RNF212B: variants seen among roughly 807,000 people sequenced by gnomAD.
RNF212B encodes the protein ring finger protein 212B.
RNF212B carries 52 observed loss-of-function variants against 55.5 expected under a neutral mutation model. That is an observed-to-expected ratio of 0.94 (90% CI 0.75 to 1.18). RNF212B has a LOEUF of 1.18. Ranked by LOEUF, RNF212B falls within the 50% of genes most tolerant of loss-of-function variation. RNF212B has a pLI of 0.00. For synonymous variants in RNF212B, 99 were observed against 121.4 expected (o/e 0.82, Z 1.21); for missense variants, 289 against 350.4 (o/e 0.82, Z 1.40).
chr14:23,206,631 T>C (rs780231693), intron 2 of RNF212B, among the ~76,000 whole-genome samples: 1 of 152,142 alleles, frequency 6.6e-6, no homozygotes, highest in South Asian at 2.1e-4. Flanking sequence ...GTCAGCTAAA[T>C]AGCCTTAAAT....
At chr14:23,186,210 T>C (rs539243795) in intron 1 of RNF212B, among the ~76,000 whole-genome samples, 47 of 152,202 alleles carry the variant, frequency 3.1e-4, no homozygotes, top group Non-Finnish European at 5.6e-4. Flanking sequence ...TGGAATCTTT[T>C]TGTGACATAA....
chr14:23,272,426 CAACAAACA>C (rs376451658), intron 14 of RNF212B: 8 of 253,764 alleles, frequency 3.2e-5, no homozygotes, highest in African/African-American at 9.5e-5. Context: ...CTCAAAAAAA[CAACAAACA>C]AACAAACAAA....
At chr14:23,238,810 T>C (rs1034782870) in intron 1 of RNF212B, among the ~76,000 whole-genome samples, 3 of 150,678 alleles carry the variant, frequency 2.0e-5, no homozygotes, top group African/African-American at 7.3e-5. Context: ...CAAAGTCACA[T>C]TTACTCAGGT....
At chr14:23,217,289 G>A (rs1881186790) in intron 2 of RNF212B, among the ~76,000 whole-genome samples, 1 of 152,166 alleles carries the variant, frequency 6.6e-6, no homozygotes, top group Admixed American at 6.5e-5. Context: ...GGAAAGGGGA[G>A]GGAAGAGCGG....
intron 2 of RNF212B, among the ~76,000 whole-genome samples, chr14:23,223,409 G>A (rs1391121949): frequency 6.6e-6 from 1 of 151,856 alleles, no homozygotes; most frequent in Non-Finnish European, 1.5e-5. Flanking sequence ...AGGCTGGAGT[G>A]CAGTGATATG....
chr14:23,221,428 C>A (rs115009908), intron 2 of RNF212B, among the ~76,000 whole-genome samples: 1 of 152,138 alleles, frequency 6.6e-6, no homozygotes, highest in Admixed American at 6.6e-5. Context: ...GGGGTCAATT[C>A]AGCATGAGAG....
chr14:23,243,332 A>C, intron 3 of RNF212B, 24 bp downstream of exon 3: 1 of 1,535,268 alleles, frequency 6.5e-7, no homozygotes, highest in Non-Finnish European at 8.8e-7. Flanking sequence ...CCCCTGCCAC[A>C]AACTGTCTCA....
intron 2 of RNF212B, among the ~76,000 whole-genome samples, chr14:23,205,808 A>G (rs1879776934): frequency 6.6e-6 from 1 of 152,250 alleles, no homozygotes; most frequent in Admixed American, 6.5e-5. Context: ...TATTTTTATT[A>G]AACCCATATC....
rs1164273473 is a variant in RNF212B at position 23,273,396 on chromosome 14, T to C, written c.*505T>C. The C allele has an allele frequency of 6.6e-6, 1 of 152,504 alleles. No individual in the cohort carries two copies. The highest frequency in any genetic ancestry group is 1.5e-5 in the Non-Finnish European group (1 of 68,258). The allele number at this position is 152,504 out of a possible 1,614,324, so 9.4% of individuals were successfully genotyped here. ...TATTAAATGTTAATTTTCCTTTCTATTGAAAACAACTGTTGGAGACACTGA... is the reference window on the plus strand; with the variant it reads ...TATTAAATGTTAATTTTCCTTTCTACTGAAAACAACTGTTGGAGACACTGA... On this transcript the variant is annotated 3_prime_UTR_variant, in exon 15 of 15. Coordinates refer to ENST00000430154, the MANE Select transcript of RNF212B (RefSeq NM_001282322.3).
chr14:23,211,091 G>A (rs568330773), intron 2 of RNF212B, among the ~76,000 whole-genome samples: 2 of 152,066 alleles, frequency 1.3e-5, no homozygotes, highest in South Asian at 2.1e-4. Context: ...GATGGCGTAC[G>A]CCTGTAATCC....
intron 1 of RNF212B, among the ~76,000 whole-genome samples, chr14:23,188,933 A>G (rs1877858988): frequency 6.6e-6 from 1 of 152,268 alleles, no homozygotes; most frequent in African/African-American, 2.4e-5. Flanking sequence ...TGCATAATAA[A>G]TAAAATAATT....
intron 2 of RNF212B, among the ~76,000 whole-genome samples, chr14:23,200,151 C>A (rs937214607): frequency 6.6e-6 from 1 of 151,950 alleles, no homozygotes; most frequent in African/African-American, 2.4e-5. Context: ...GCTTATTATG[C>A]TTGGCCAAAT....
chr14:23,229,263 C>T (rs956101563), intron 2 of RNF212B, among the ~76,000 whole-genome samples: 33 of 38,846 alleles, frequency 8.5e-4, no homozygotes, highest in Middle Eastern at 0.023. Context: ...TATATATATA[C>T]CACATTGTTT....
At chr14:23,258,859 T>C (rs1885064368) in intron 5 of RNF212B, among the ~76,000 whole-genome samples, 195 bp downstream of exon 5, 1 of 152,076 alleles carries the variant, frequency 6.6e-6, no homozygotes, top group African/African-American at 2.4e-5. Context: ...CTCCTCACTT[T>C]ATAGTTTTCC....
At chr14:23,228,500 G>C (rs1882242711) in intron 2 of RNF212B, among the ~76,000 whole-genome samples, 1 of 151,106 alleles carries the variant, frequency 6.6e-6, no homozygotes. Context: ...AACAGGTGTG[G>C]TGGCATGTGC....
At chr14:23,246,592 A>T (rs1448308752) in intron 4 of RNF212B, among the ~76,000 whole-genome samples, 1 of 150,842 alleles carries the variant, frequency 6.6e-6, no homozygotes, top group Non-Finnish European at 1.5e-5. Context: ...AAAGTACTTT[A>T]AAAAAAAACA....
At chr14:23,227,995 C>T (rs1316845558) in intron 2 of RNF212B, among the ~76,000 whole-genome samples, 1 of 152,090 alleles carries the variant, frequency 6.6e-6, no homozygotes, top group Admixed American at 6.5e-5. Context: ...CTTTGGGAGG[C>T]CGAGGCAGGT....
At chr14:23,229,003 A>G (rs1193603010) in intron 2 of RNF212B, among the ~76,000 whole-genome samples, 3 of 151,822 alleles carry the variant, frequency 2.0e-5, no homozygotes, top group Non-Finnish European at 4.4e-5. Context: ...CTCTTCACCC[A>G]TTAAGCAATT....
chr14:23,237,855 A>C (rs1031293981), upstream of RNF212B, among the ~76,000 whole-genome samples: 4 of 151,828 alleles, frequency 2.6e-5, no homozygotes, highest in African/African-American at 9.7e-5. Context: ...CGCCCCGCGC[A>C]CGCCACGGAG....
Sources: allele counts gnomAD v4.1 joint callset (sites outside exome capture counted in the v4.1 genomes callset), GRCh38; gene constraint gnomAD v4.1.1; transcripts MANE v1.5; gene names NCBI Gene and HGNC (gene_info 2026-07-23, HGNC 2026-07-21).